Variants in ARHGEF37 observed in about 807,000 individuals in gnomAD.
ARHGEF37 encodes the protein Rho guanine nucleotide exchange factor (GEF) 37.
Under a neutral mutation model 71.1 loss-of-function variants are expected in ARHGEF37, and 55 were observed. The observed-to-expected ratio is 0.77, with a 90% CI of 0.62 to 0.97. The LOEUF (loss-of-function observed/expected upper bound fraction) is 0.97. ARHGEF37 is among the 50% of genes least tolerant of loss of function. ARHGEF37 has a pLI of 0.00. For missense variants in ARHGEF37, 765 were observed against 836.8 expected (o/e 0.91, Z 1.06); for synonymous variants, 327 against 350.6 (o/e 0.93, Z 0.75).
In ARHGEF37 at chr5:149,568,151, G is replaced by T. The variant is rs1460470729; in HGVS notation, c.-12+16028G>T. The stretch of plus-strand genomic sequence containing the variant: ...TCCTCCCACCTCAGGCTCCTGAGTA[G>T]CTGGGACTACAGGTGTGCACCACCA... On this transcript the variant is annotated intron_variant, in intron 1 of 2. Transcript: ENST00000505810. Among the ~76,000 whole-genome samples the T allele has an allele frequency of 1.3e-4, 19 of 151,924 alleles. 1 individual carries two copies. Among genetic ancestry groups the T allele is most frequent in the Non-Finnish European group, 2.8e-4 (19 of 67,990 alleles).
At position 149,632,377 on chromosome 5, in the gene ARHGEF37, C is replaced by A; in HGVS notation, c.*186C>A. The A allele has an allele frequency of 1.6e-6, 1 of 638,076 alleles. No individual in the cohort carries two copies. Among genetic ancestry groups the A allele is most frequent in the Non-Finnish European group, 2.7e-6 (1 of 372,382 alleles). 39.5% of individuals were successfully genotyped at this position (638,076 alleles called of 1,614,324 possible). A position where few individuals can be genotyped will look rare whatever the true frequency, so the allele number is the denominator to read the frequency against. ...CGCAGAGTGCTTGGTGTGGTGGGGG[C>A]ACAGGAGGCTCCAGCCAGGACTGCT... On this transcript the variant is annotated 3_prime_UTR_variant, in exon 13 of 13. Coordinates refer to ENST00000333677, the MANE Select transcript of ARHGEF37 (RefSeq NM_001001669.3).
chr5:149,615,566 A>C (rs1409579869), intron 4 of ARHGEF37, among the ~76,000 whole-genome samples: 1 of 152,076 alleles, frequency 6.6e-6, no homozygotes, highest in Non-Finnish European at 1.5e-5. Context: ...CTTTAAATAA[A>C]TCTCTAAAAA....
chr5:149,625,615 T>C (rs1752662220), intron 10 of ARHGEF37, among the ~76,000 whole-genome samples: 1 of 152,210 alleles, frequency 6.6e-6, no homozygotes, highest in African/African-American at 2.4e-5. Context: ...CCGCTCTTAC[T>C]CTACATGGAG....
rs370687849 is a variant in ARHGEF37, at chr5:149,618,211, C to A, written c.694C>A (p.Arg232=). Residue 232 remains arginine (R), a synonymous_variant, in exon 6 of 13, where the codon CGG becomes AGG. Coordinates refer to ENST00000333677, the MANE Select transcript of ARHGEF37 (RefSeq NM_001001669.3). ...KYTKVEQLTL[R]ERLARINTHT... ...CACCAAGGTAGAGCAGCTGACCCTC[C>A]GGGAGCGGCTGGCCCGCATCAACAC... 1.9e-5 allele frequency: 30 copies of A among 1,614,116 alleles called. No homozygotes were observed. Among genetic ancestry groups the A allele is most frequent in the Non-Finnish European group, 2.2e-5 (26 of 1,180,038 alleles).
At chr5:149,580,309 C>A (rs376005765), upstream of ARHGEF37, among the ~76,000 whole-genome samples, 7 of 152,106 alleles carry the variant, frequency 4.6e-5, no homozygotes, top group Non-Finnish European at 1.0e-4. Flanking sequence ...TCTGCCCCCC[C>A]CTCAGCTTCC....
intron 4 of ARHGEF37, 31 bp from the exon 5 acceptor site, chr5:149,616,536 T>A (rs753007273): frequency 6.4e-7 from 1 of 1,572,780 alleles, no homozygotes; most frequent in Non-Finnish European, 8.7e-7. Flanking sequence ...AGGGTGGGAT[T>A]TACCTGCCTA....
upstream of ARHGEF37, among the ~76,000 whole-genome samples, chr5:149,578,026 T>G (rs1297797833): frequency 6.6e-6 from 1 of 152,266 alleles, no homozygotes; most frequent in Non-Finnish European, 1.5e-5. Flanking sequence ...AGAGCCTGAA[T>G]GGCAGGGCCA....
chr5:149,610,524 A>C (rs1357467425), intron 4 of ARHGEF37, among the ~76,000 whole-genome samples: 1 of 152,224 alleles, frequency 6.6e-6, no homozygotes, highest in Non-Finnish European at 1.5e-5. Flanking sequence ...TTTTACAGTA[A>C]AAAATATCTA....
intron 4 of ARHGEF37, among the ~76,000 whole-genome samples, chr5:149,612,261 G>A (rs1227539273): frequency 4.6e-5 from 7 of 152,094 alleles, no homozygotes; most frequent in East Asian, 1.9e-4. Flanking sequence ...TCCGTCTCCC[G>A]GGTTCACGCC....
chr5:149,598,460 CT>C (rs1267473208), intron 2 of ARHGEF37, among the ~76,000 whole-genome samples: 1 of 147,220 alleles, frequency 6.8e-6, no homozygotes, highest in African/African-American at 2.5e-5. Flanking sequence ...TTTCTTCTTC[CT>C]CTTCTTTCTT....
rs58263212 is a variant in ARHGEF37, at chr5:149,626,241, AACACACACACAC to A, written c.1465-800_1465-789del. Reference sequence around the variant, plus strand: ...AGGAGTAACCACATAGAGCATGGTGAACACACACACACACACACACACACACACACACACACA... The same window carrying A: ...AGGAGTAACCACATAGAGCATGGTGAACACACACACACACACACACACACA... On this transcript the variant is annotated intron_variant, in intron 10 of 12. Transcript: ENST00000333677. 2.9e-3 allele frequency among the ~76,000 whole-genome samples: 383 copies of A among 133,740 alleles called. 1 individual carries two copies. Among genetic ancestry groups the A allele is most frequent in the African/African-American group, 4.3e-3 (163 of 37,480 alleles). The allele number at this position is 133,740 out of a possible 152,430, so 87.7% of individuals were successfully genotyped here.
intron 10 of ARHGEF37, among the ~76,000 whole-genome samples, chr5:149,625,740 C>T (rs1268279433): frequency 2.0e-5 from 3 of 151,618 alleles, no homozygotes; most frequent in African/African-American, 7.3e-5. Context: ...ATGTGTCACC[C>T]CTTCCCACCC....
In ARHGEF37 at chr5:149,618,257, C is replaced by A. The variant is rs1752435041; in HGVS notation, c.740C>A (p.Thr247Asn). 1 of 1,614,126 alleles carries A rather than the reference C, an allele frequency of 6.2e-7. No homozygotes were observed. Among genetic ancestry groups the A allele is most frequent in the Admixed American group, 1.7e-5 (1 of 60,018 alleles). Residue 247 changes from threonine (T) to asparagine (N), a missense_variant, in exon 6 of 13, where the codon ACC becomes AAC. By Grantham distance (65) the Thr-to-Asn change is moderately conservative. Coordinates refer to ENST00000333677, the MANE Select transcript of ARHGEF37 (RefSeq NM_001001669.3). ...RINTHTLSKK[T>N]TRLSQLLKQE... ...AACACACACACCCTCTCCAAGAAGA[C>A]CACCCGGCTGAGCCAGCTGCTGAAG...
At chr5:149,605,662 C>T (rs1763897027) in intron 3 of ARHGEF37, among the ~76,000 whole-genome samples, 1 of 152,180 alleles carries the variant, frequency 6.6e-6, no homozygotes, top group African/African-American at 2.4e-5. Context: ...AAATAGTATC[C>T]ATCTCTGTGC....
intron 4 of ARHGEF37, among the ~76,000 whole-genome samples, chr5:149,613,179 A>G (rs1004397642): frequency 6.6e-6 from 1 of 152,172 alleles, no homozygotes; most frequent in Non-Finnish European, 1.5e-5. Context: ...TTAAATATAA[A>G]AGCAACATAT....
At chr5:149,591,053 C>T (rs1405506266) in intron 1 of ARHGEF37, among the ~76,000 whole-genome samples, 2 of 152,036 alleles carry the variant, frequency 1.3e-5, no homozygotes, top group African/African-American at 4.8e-5. Flanking sequence ...GTACAGAGGA[C>T]CTCTTTTAGG....
intron 4 of ARHGEF37, 93 bp downstream of exon 4, chr5:149,609,788 T>C: frequency 6.5e-7 from 1 of 1,535,922 alleles, no homozygotes; most frequent in Non-Finnish European, 8.8e-7. Context: ...CCATTCGTGC[T>C]GCTTCACGAG....
chr5:149,557,462 G>C (rs1428311252), intron 1 of ARHGEF37, among the ~76,000 whole-genome samples: 1 of 138,812 alleles, frequency 7.2e-6, no homozygotes, highest in South Asian at 2.1e-4. Flanking sequence ...GAGTTGCTTT[G>C]TTTGTTTGTT....
At chr5:149,626,241 A>AACACACACAC (rs58263212) in intron 10 of ARHGEF37, among the ~76,000 whole-genome samples, 65 of 133,738 alleles carry the variant, frequency 4.9e-4, no homozygotes, top group African/African-American at 1.6e-3. Flanking sequence ...GAGCATGGTG[A>AACACACACAC]ACACACACAC....
Sources: gnomAD v4.1 joint callset for allele counts (sites outside exome capture counted in the v4.1 genomes callset) on GRCh38, gnomAD v4.1.1 for gene constraint, MANE v1.5 for transcripts, NCBI Gene and HGNC (gene_info 2026-07-23, HGNC 2026-07-21) for gene names.